FLT4: variants seen among roughly 807,000 people sequenced by gnomAD.
FLT4 encodes the protein vascular endothelial growth factor receptor 3.
Under a neutral mutation model 163.2 loss-of-function variants are expected in FLT4, and 30 were observed. That is an observed-to-expected ratio of 0.18 (90% CI 0.14 to 0.25). The LOEUF is 0.25. Among genes scored for constraint, FLT4 ranks in the 10% least tolerant of loss-of-function variants. The probability of loss-of-function intolerance (pLI) is 1.00; values close to 1 mark genes in which losing one functional copy is unlikely to be tolerated. For synonymous variants in FLT4, 884 were observed against 789.5 expected (o/e 1.12, Z -2.01); for missense variants, 1,510 against 1,863.8 (o/e 0.81, Z 3.50).
chr5:180,620,417 A>T lies in FLT4; in HGVS notation c.2407-109T>A. The T allele has an allele frequency of 7.0e-7, 1 of 1,422,020 alleles. No homozygotes were observed. Among genetic ancestry groups the T allele is most frequent in the Non-Finnish European group, 9.9e-7 (1 of 1,015,026 alleles). 88.1% of individuals were successfully genotyped at this position (1,422,020 alleles called of 1,614,324 possible). A position where few individuals can be genotyped will look rare whatever the true frequency, so the allele number is the denominator to read the frequency against. On this transcript the variant is annotated intron_variant, in intron 16 of 29. Coordinates refer to ENST00000261937, the MANE Select transcript of FLT4 (RefSeq NM_182925.5). This position sits in a 1 kb window ranked among gnomAD's most constrained non-coding sequence, Gnocchi z 4.4. ...AGATGGCACTTCCTGCGGGGTTCTC[A>T]GTCAAGGAGGGGACAGAAAAAAAGA...
At chr5:180,639,489 T>C (rs1011277052) in intron 1 of FLT4, among the ~76,000 whole-genome samples, 4 of 151,252 alleles carry the variant, frequency 2.6e-5, no homozygotes, top group Non-Finnish European at 4.4e-5. Flanking sequence ...GACGGGCAGA[T>C]GGAAGGATGA....
chr5:180,621,054 G>C (rs778740732), intron 14 of FLT4, 47 bp from the exon 15 acceptor site: 2 of 1,612,072 alleles, frequency 1.2e-6, no homozygotes, highest in South Asian at 2.2e-5. Flanking sequence ...GTTTGGGATC[G>C]TCGGCCTCGC....
Position 180,621,130 on chromosome 5 carries a change from C to T in FLT4, c.2143G>A (p.Glu715Lys), listed in dbSNP as rs757307082. The change falls in exon 14 of 30, where the codon GAG (glutamate) becomes AAG (lysine). Residue 715 changes from glutamate to lysine, a missense_variant. This residue lies in a region of FLT4 where 878 missense variants were observed against 1,016.7 expected (regional missense o/e 0.86). Transcript: ENST00000261937. ...HAPSIVWYKD[E>K]RLLEEKSGVD... is the part of the protein sequence containing the mutation. ...CCAGACTTTTCCTCCAGCAGCCTCT[C>T]GTCTTTGTACCACACGATGCTGGGC... 1.9e-6 allele frequency: 3 copies of T among 1,612,696 alleles called. No individual in the cohort carries two copies. Among genetic ancestry groups the T allele is most frequent in the Admixed American group, 1.7e-5 (1 of 59,996 alleles).
chr5:180,630,377 G>T lies in FLT4; in HGVS notation c.401-40C>A, dbSNP rs370164496. ...CAAGCTGTTGGGGAAGGGACGTGGCGGCCAGGCTGGGGGAGGGCTCCACGG... is the reference window on the plus strand; with the variant it reads ...CAAGCTGTTGGGGAAGGGACGTGGCTGCCAGGCTGGGGGAGGGCTCCACGG... On this transcript the variant is annotated intron_variant, in intron 3 of 29. Transcript: ENST00000261937. This position sits in a 1 kb window ranked among gnomAD's most constrained non-coding sequence, Gnocchi z 6.3. The T allele has an allele frequency of 8.8e-4, 1,386 of 1,583,364 alleles. 2 individuals are homozygous for T. Among genetic ancestry groups the T allele is most frequent in the Non-Finnish European group, 9.6e-4 (1,119 of 1,162,726 alleles).
chr5:180,629,106 T>A, intron 7 of FLT4, 107 bp from the exon 8 acceptor site: 1 of 1,435,746 alleles, frequency 7.0e-7, no homozygotes, highest in Non-Finnish European at 9.8e-7. Flanking sequence ...ATCCGCAGAC[T>A]GGGGCTGGCC....
chr5:180,636,039 A>G lies in FLT4; in HGVS notation c.59-4261T>C, dbSNP rs1394292132. Among the ~76,000 whole-genome samples, 1 of 151,172 alleles carries G rather than the reference A, an allele frequency of 6.6e-6. No homozygotes were observed. The highest frequency in any genetic ancestry group is 2.4e-5 in the African/African-American group (1 of 41,008). On this transcript the variant is annotated intron_variant, in intron 1 of 29. Transcript: ENST00000261937. This position sits in a 1 kb window ranked among gnomAD's most constrained non-coding sequence, Gnocchi z 4.3. ...AGAGTGGGTGGACAGGTGAAAGGTA[A>G]GTGGATGGGTGAAGGGTGGATGGGG...
rs565553931 is a variant in FLT4, at chr5:180,627,227, G to A, written c.1104-962C>T. 3.6e-3 allele frequency among the ~76,000 whole-genome samples: 547 copies of A among 152,314 alleles called. 6 individuals carry two copies. Among genetic ancestry groups the A allele is most frequent in the South Asian group, 0.029 (141 of 4,826 alleles). On this transcript the variant is annotated intron_variant, in intron 8 of 29. Transcript: ENST00000261937. ...AGATACACCACTGTGTCCTGGGAGA[G>A]GCACAGCCCTCGGGCAGAGACCAAC...
intron 26 of FLT4, 145 bp from the exon 27 acceptor site, chr5:180,611,624 C>T: frequency 1.2e-6 from 1 of 865,426 alleles, no homozygotes; most frequent in Non-Finnish European, 1.8e-6. Context: ...CGCCCCCGCC[C>T]TCGCCCTGCC....
At chr5:180,616,879 G>A (rs1762735845) in intron 22 of FLT4, 21 bp downstream of exon 22, 2 of 1,597,870 alleles carry the variant, frequency 1.3e-6, no homozygotes, top group East Asian at 2.2e-5. Context: ...CCCGTCTGAA[G>A]GGCCTTCGGG....
chr5:180,608,852 T>C (rs543485492), intron 29 of FLT4, 116 bp downstream of exon 29: 8 of 905,042 alleles, frequency 8.8e-6, no homozygotes, highest in Non-Finnish European at 1.5e-5. Context: ...GAAAAGGCCA[T>C]AGGGAGCCAC....
At position 180,620,049 on chromosome 5, in the gene FLT4, G is replaced by A. The variant is rs1763003935; in HGVS notation, c.2542+124C>T. 2 of 1,259,510 alleles carry A rather than the reference G, an allele frequency of 1.6e-6. No individual in the cohort carries two copies. The highest frequency in any genetic ancestry group is 1.1e-6 in the Non-Finnish European group (1 of 901,788). 78.0% of individuals were successfully genotyped at this position (1,259,510 alleles called of 1,614,324 possible). ...GGTTCTAGGTACCCACGCCCACAGGGACAGGTCAGGCCAGGCGGAACTTCC... is the reference window on the plus strand; with the variant it reads ...GGTTCTAGGTACCCACGCCCACAGGAACAGGTCAGGCCAGGCGGAACTTCC... On this transcript the variant is annotated intron_variant, in intron 17 of 29. Coordinates refer to ENST00000261937, the MANE Select transcript of FLT4 (RefSeq NM_182925.5). This position sits in a 1 kb window ranked among gnomAD's most constrained non-coding sequence, Gnocchi z 4.4.
rs1210033797 is a variant in FLT4 at position 180,630,750 on chromosome 5, C to G, written c.205G>C (p.Ala69Pro). The G allele has an allele frequency of 6.2e-7, 1 of 1,609,386 alleles. No individual in the cohort carries two copies. The highest frequency in any genetic ancestry group is 8.5e-7 in the Non-Finnish European group (1 of 1,179,808). Residue 69 changes from alanine (A) to proline (P), a missense_variant, in exon 3 of 30, where the codon GCC (alanine) becomes CCC (proline). Coordinates refer to ENST00000261937, the MANE Select transcript of FLT4 (RefSeq NM_182925.5). This position sits in a 1 kb window ranked among gnomAD's most constrained non-coding sequence, Gnocchi z 6.3. ...TCCTCGCTGTCCTTGTCTCCGGTGGCTGGCGCCTCCTGAGCTCCTGGCCAA... is the reference window on the plus strand; with the variant it reads ...TCCTCGCTGTCCTTGTCTCCGGTGGGTGGCGCCTCCTGAGCTCCTGGCCAA... ...WAWPGAQEAP[A>P]TGDKDSEDTG...
At chr5:180,611,685 T>C in intron 26 of FLT4, 2 of 626,988 alleles carry the variant, frequency 3.2e-6, no homozygotes, top group South Asian at 1.8e-5. Flanking sequence ...ACCCCTGAGA[T>C]AGGGCCCTAA....
At chr5:180,643,230 C>A (rs1270411066) in intron 1 of FLT4, among the ~76,000 whole-genome samples, 1 of 152,258 alleles carries the variant, frequency 6.6e-6, no homozygotes, top group Non-Finnish European at 1.5e-5. Flanking sequence ...GCTCATCCCC[C>A]ACAGCCAATC....
chr5:180,631,668 G>T lies in FLT4; in HGVS notation c.155+14C>A. ...CAGCCTCTCTGGCCTGCCAGTGGGA[G>T]AGGGACCCAGTACCTGCAGGAGATG... is the stretch of plus-strand genomic sequence containing the variant. On this transcript the variant is annotated intron_variant, in intron 2 of 29. Coordinates refer to ENST00000261937, the MANE Select transcript of FLT4 (RefSeq NM_182925.5). 1 of 1,597,784 alleles carries T rather than the reference G, an allele frequency of 6.3e-7. No homozygotes were observed.
At chr5:180,643,753 G>A (rs1267725902) in intron 1 of FLT4, among the ~76,000 whole-genome samples, 1 of 151,726 alleles carries the variant, frequency 6.6e-6, no homozygotes, top group Non-Finnish European at 1.5e-5. Flanking sequence ...CTCACACCGA[G>A]GCTCCCCACC....
chr5:180,629,011 G>C lies in FLT4; in HGVS notation c.986-12C>G. 3.7e-6 allele frequency: 6 copies of C among 1,602,822 alleles called. No homozygotes were observed. The highest frequency in any genetic ancestry group is 5.1e-6 in the Non-Finnish European group (6 of 1,171,036). On this transcript the variant is annotated splice_polypyrimidine_tract_variant and intron_variant, in intron 7 of 29. Coordinates refer to ENST00000261937, the MANE Select transcript of FLT4 (RefSeq NM_182925.5). ...GATGAAGGGATTTTCTGCCGGACAG[G>C]AGAAGTCACTGTAAATCCAGGACTG...
At chr5:180,641,602 C>T (rs1406928861) in intron 1 of FLT4, among the ~76,000 whole-genome samples, 1 of 151,980 alleles carries the variant, frequency 6.6e-6, no homozygotes, top group African/African-American at 2.4e-5. Context: ...TGCACCCTCT[C>T]TTCACTCCTG....
In FLT4 at chr5:180,620,598, G is replaced by C. The variant is rs1209724505; in HGVS notation, c.2406+11C>G. 1 of 1,589,314 alleles carries C rather than the reference G, an allele frequency of 6.3e-7. No individual in the cohort carries two copies. Among genetic ancestry groups the C allele is most frequent in the Admixed American group, 1.7e-5 (1 of 59,972 alleles). ...AGAGAGACTCCATCAGGAGCGGGGA[G>C]GGACACTCACCCTCCTCATGTTACA... On this transcript the variant is annotated intron_variant, in intron 16 of 29. Coordinates refer to ENST00000261937, the MANE Select transcript of FLT4 (RefSeq NM_182925.5). The surrounding 1 kb of genome is among the most constrained non-coding windows in gnomAD (Gnocchi z 4.4).
Sources: gnomAD v4.1 joint callset for allele counts (sites outside exome capture counted in the v4.1 genomes callset) on GRCh38, gnomAD v4.1.1 for gene constraint, gnomAD v4.1.1 regional missense constraint, Gnocchi (gnomAD v3.1) non-coding constraint, MANE v1.5 for transcripts, NCBI Gene and HGNC (gene_info 2026-07-23, HGNC 2026-07-21) for gene names.